ACYP1: variants seen among roughly 807,000 people sequenced by gnomAD.
ACYP1 encodes acylphosphatase 1.
A neutral mutation model predicts 10.4 loss-of-function variants in ACYP1; 8 were observed. The ratio of observed to expected loss-of-function variants is 0.77; its 90% CI spans 0.45 to 1.38. The LOEUF is 1.38. Among genes scored for constraint, ACYP1 ranks in the 40% most tolerant of loss-of-function variants. The pLI, the probability that ACYP1 is intolerant of heterozygous loss-of-function variation, is 0.00. For synonymous variants in ACYP1, 38 were observed against 40.8 expected, an observed-to-expected ratio of 0.93 and a Z score of 0.26; for missense variants, 93 against 117.3, an observed-to-expected ratio of 0.79 and a Z score of 0.96.
intron 2 of ACYP1, 119 bp downstream of exon 2, chr14:75,063,351 C>T: frequency 1.3e-6 from 1 of 768,776 alleles, no homozygotes. Context: ...TACAAACTAC[C>T]TCTTTGCCAT....
chr14:75,067,731 T>C (rs1189968122), upstream of ACYP1, among the ~76,000 whole-genome samples: 1 of 151,986 alleles, frequency 6.6e-6, no homozygotes, highest in Non-Finnish European at 1.5e-5. Context: ...GTCTCTCACG[T>C]CTATAATCTC....
At chr14:75,055,221 G>A (rs1217029924) in intron 2 of ACYP1, among the ~76,000 whole-genome samples, 1 of 150,570 alleles carries the variant, frequency 6.6e-6, no homozygotes, top group East Asian at 1.9e-4. Context: ...CCAGTAGCTG[G>A]GACCACAGGC....
chr14:75,069,025 C>T (rs1418328820), intron 1 of ACYP1, among the ~76,000 whole-genome samples: 2 of 152,166 alleles, frequency 1.3e-5, no homozygotes, highest in Non-Finnish European at 2.9e-5. Flanking sequence ...TTACATTTGG[C>T]TGAGTCATTC....
At chr14:75,057,614 A>G (rs1370953741) in intron 2 of ACYP1, among the ~76,000 whole-genome samples, 1 of 151,422 alleles carries the variant, frequency 6.6e-6, no homozygotes, top group African/African-American at 2.4e-5. Context: ...AGCTGCAGTA[A>G]CTGAGACAGT....
intron 2 of ACYP1, chr14:75,061,795 TTG>T: frequency 1.3e-6 from 2 of 1,507,908 alleles, no homozygotes; most frequent in Non-Finnish European, 1.8e-6. Flanking sequence ...GAAATGATTT[TTG>T]AATAATTAGA....
At chr14:75,054,610 A>C (rs1892829894) in intron 2 of ACYP1, among the ~76,000 whole-genome samples, 1 of 151,578 alleles carries the variant, frequency 6.6e-6, no homozygotes. Context: ...TGCATGTCAA[A>C]ATGTGGGAAA....
At chr14:75,063,803 A>G (rs150240223) in intron 1 of ACYP1, among the ~76,000 whole-genome samples, 151 bp downstream of exon 1, 1 of 152,120 alleles carries the variant, frequency 6.6e-6, no homozygotes, top group African/African-American at 2.4e-5. Context: ...TGGGGAAATA[A>G]CCTGAGGACC....
chr14:75,055,745 A>G (rs1158669231), intron 2 of ACYP1, among the ~76,000 whole-genome samples: 1 of 151,592 alleles, frequency 6.6e-6, no homozygotes, highest in Non-Finnish European at 1.5e-5. Context: ...AGCAAACTGA[A>G]TTCAAAATGA....
At chr14:75,058,310 G>T (rs1892934096) in intron 2 of ACYP1, among the ~76,000 whole-genome samples, 1 of 151,238 alleles carries the variant, frequency 6.6e-6, no homozygotes, top group Non-Finnish European at 1.5e-5. Context: ...TTAGCTGGGT[G>T]TGGTGGCGGG....
chr14:75,068,635 C>G (rs1433993679), upstream of ACYP1, among the ~76,000 whole-genome samples: 2 of 151,572 alleles, frequency 1.3e-5, no homozygotes, highest in East Asian at 1.9e-4. Flanking sequence ...TAATCGGGAC[C>G]CTGAGTGGAG....
chr14:75,063,183 G>A, intron 2 of ACYP1: 1 of 393,014 alleles, frequency 2.5e-6, no homozygotes, highest in Non-Finnish European at 4.8e-6. Context: ...TGCCACAACG[G>A]CGAGCACTGG....
In ACYP1 at chr14:75,053,268, AGATTT is replaced by A. The variant is rs1892782447; in HGVS notation, c.*171_*175del. 4.8e-6 allele frequency: 3 copies of A among 625,104 alleles called. No individual in the cohort carries two copies. In the African/African-American group the frequency reaches 5.5e-5, roughly 12 times the overall value. The allele number at this position is 625,104 out of a possible 1,614,324, so 38.7% of individuals were successfully genotyped here. ...GAAGGTTCTAACGTTTTTATTGATTAGATTTGTGTACAGTGGTAATCCTTCCATCA... is the reference window on the plus strand; with the variant it reads ...GAAGGTTCTAACGTTTTTATTGATTAGTGTACAGTGGTAATCCTTCCATCA... On this transcript the variant is annotated 3_prime_UTR_variant, in exon 3 of 3. Coordinates refer to ENST00000238618, the MANE Select transcript of ACYP1 (RefSeq NM_001107.5).
At position 75,063,671 on chromosome 14, in the gene ACYP1, T is replaced by C. The variant is rs1289335840; in HGVS notation, c.-8-110A>G. On this transcript the variant is annotated intron_variant, in intron 1 of 2. Coordinates refer to ENST00000238618, the MANE Select transcript of ACYP1 (RefSeq NM_001107.5). ...CTGTCCATCCTTAACCATTGCGACC[T>C]CTCCCCGACTTCAAGGTCCTGGAAA... 3 of 860,888 alleles carry C rather than the reference T, an allele frequency of 3.5e-6. No homozygotes were observed. The African/African-American group carries it at 5.0e-5, about 14-fold the overall frequency. 53.3% of individuals were successfully genotyped at this position (860,888 alleles called of 1,614,324 possible).
At chr14:75,067,182 TACAC>T (rs60274425), upstream of ACYP1, among the ~76,000 whole-genome samples, 8,577 of 147,102 alleles carry the variant, frequency 0.058, 253 homozygotes, top group African/African-American at 0.084. Context: ...TGTCTGGAAC[TACAC>T]ACACACACAC....
At chr14:75,064,744 A>G (rs1893114344), upstream of ACYP1, among the ~76,000 whole-genome samples, 1 of 152,116 alleles carries the variant, frequency 6.6e-6, no homozygotes, top group African/African-American at 2.4e-5. Flanking sequence ...AAATAAATAA[A>G]TTAATAAATA....
At chr14:75,066,871 T>G (rs950335935), upstream of ACYP1, among the ~76,000 whole-genome samples, 2 of 151,752 alleles carry the variant, frequency 1.3e-5, no homozygotes, top group Non-Finnish European at 1.5e-5. Context: ...GGAAGAAAAC[T>G]CAATAAAACT....
chr14:75,060,403 T>C (rs1197639922), intron 2 of ACYP1: 5 of 516,756 alleles, frequency 9.7e-6, no homozygotes, highest in Non-Finnish European at 1.7e-5. Context: ...TAATATGGTA[T>C]AGCTACTTTG....
chr14:75,060,933 G>C (rs540974207), intron 2 of ACYP1, among the ~76,000 whole-genome samples: 176 of 152,212 alleles, frequency 1.2e-3, no homozygotes, highest in Non-Finnish European at 1.9e-3. Flanking sequence ...TGGGCATGGT[G>C]GTGCATGCCT....
Position 75,063,491 on chromosome 14 carries a change from C to T in ACYP1, c.63G>A (p.Val21=), listed in dbSNP as rs61751187. ...ATACCTGAGTATGCTTACGGAAAAA[C>T]ACCCCTTGCACCTTCCCAAAAATTT... The part of the protein sequence containing the change: ...DYEIFGKVQG[V]FFRKHTQAEG... The change falls in exon 2 of 3, where the codon GTG becomes GTA. Residue 21 remains valine (V), a synonymous_variant. Transcript: ENST00000238618. The T allele has an allele frequency of 6.4e-5, 104 of 1,613,784 alleles. No individual in the cohort carries two copies. Among genetic ancestry groups the T allele is most frequent in the Non-Finnish European group, 7.8e-5 (92 of 1,179,906 alleles).
Sources: allele counts gnomAD v4.1 joint callset (sites outside exome capture counted in the v4.1 genomes callset), GRCh38; gene constraint gnomAD v4.1.1; transcripts MANE v1.5; gene names NCBI Gene and HGNC (gene_info 2026-07-23, HGNC 2026-07-21).